The following MCCC1 variants were observed in gnomAD, a reference collection of about 807,000 sequenced individuals.
The protein encoded by MCCC1 is methylcrotonoyl-CoA carboxylase subunit alpha, mitochondrial.
MCCC1 carries 64 observed loss-of-function variants against 83.8 expected under a neutral mutation model. That is an observed-to-expected ratio of 0.76 (90% CI 0.62 to 0.94). The LOEUF is 0.94. Ranked by LOEUF, MCCC1 falls within the 40% of genes least tolerant of loss-of-function variation. The probability of loss-of-function intolerance (pLI) is 0.00; values close to 1 mark genes in which losing one functional copy is unlikely to be tolerated. For synonymous variants in MCCC1, 322 were observed against 315.4 expected (o/e 1.02, Z -0.22); for missense variants, 807 against 904.7 (o/e 0.89, Z 1.39).
chr3:183,101,716 C>T (rs372829632), upstream of MCCC1, among the ~76,000 whole-genome samples: 39 of 152,208 alleles, frequency 2.6e-4, no homozygotes, highest in African/African-American at 8.2e-4. Context: ...TCCCATTCCA[C>T]GCTGTGGAAG....
At chr3:183,092,673 T>A in intron 2 of MCCC1, 128 bp from the exon 3 acceptor site, 1 of 1,151,128 alleles carries the variant, frequency 8.7e-7, no homozygotes, top group Non-Finnish European at 1.3e-6. Context: ...AAAACTAGCA[T>A]AACTGAGCCC....
At chr3:183,115,941 G>T (rs1206986756) in exon 1 of MCCC1, 2 of 152,276 alleles carry the variant, frequency 1.3e-5, no homozygotes, top group Non-Finnish European at 2.9e-5. Context: ...AGTGGGCACA[G>T]ATTTATTGAA....
intron 1 of MCCC1, among the ~76,000 whole-genome samples, chr3:183,095,291 AAAC>A (rs1006654156): frequency 6.6e-6 from 1 of 152,146 alleles, no homozygotes; most frequent in African/African-American, 2.4e-5. Context: ...TCAAAAAAAA[AAAC>A]AAAAACAAAA....
intron 17 of MCCC1, among the ~76,000 whole-genome samples, chr3:183,019,198 T>C (rs539181103): frequency 4.6e-5 from 7 of 152,344 alleles, no homozygotes; most frequent in African/African-American, 1.7e-4. Context: ...TGAGTTTTTA[T>C]GATTTAAGTG....
At chr3:183,107,020 G>C (rs563552966) in intron 1 of MCCC1, among the ~76,000 whole-genome samples, 2 of 152,018 alleles carry the variant, frequency 1.3e-5, no homozygotes, top group African/African-American at 4.8e-5. Context: ...CTTGCCCACA[G>C]AATATTTTTG....
In MCCC1 at chr3:183,061,749, C is replaced by T. The variant is rs573427812; in HGVS notation, c.762-4327G>A. 2.6e-5 allele frequency among the ~76,000 whole-genome samples: 4 copies of T among 152,308 alleles called. No individual in the cohort carries two copies. In the South Asian group the frequency reaches 8.3e-4, roughly 32 times the overall value. On this transcript the variant is annotated intron_variant, in intron 7 of 18. Coordinates refer to ENST00000265594, the MANE Select transcript of MCCC1 (RefSeq NM_020166.5). ...AACCACTGACTTTCATTTTGTTTAG[C>T]CTTTTTCTTGCTTTTTGGATATGAC...
chr3:183,070,128 T>C (rs1716551426), intron 7 of MCCC1, among the ~76,000 whole-genome samples: 1 of 152,218 alleles, frequency 6.6e-6, no homozygotes, highest in Non-Finnish European at 1.5e-5. Flanking sequence ...GTAAAATATT[T>C]AAAATCTGGC....
At chr3:183,039,806 A>T (rs569544858) in intron 11 of MCCC1, among the ~76,000 whole-genome samples, 20 of 152,196 alleles carry the variant, frequency 1.3e-4, no homozygotes, top group African/African-American at 4.8e-4. Flanking sequence ...CCTCGTTGAT[A>T]AGATTAGAGG....
intron 4 of MCCC1, among the ~76,000 whole-genome samples, chr3:183,080,860 G>A (rs1717438289): frequency 6.6e-6 from 1 of 152,184 alleles, no homozygotes; most frequent in Non-Finnish European, 1.5e-5. Flanking sequence ...AGCTTGAGCA[G>A]GGAAACTCCT....
intron 1 of MCCC1, among the ~76,000 whole-genome samples, chr3:183,108,573 C>A (rs971106992): frequency 2.0e-5 from 3 of 152,138 alleles, no homozygotes; most frequent in Admixed American, 1.3e-4. Context: ...CTGCACTTCG[C>A]AAAGTTCTAC....
intron 1 of MCCC1, among the ~76,000 whole-genome samples, chr3:183,113,325 A>G (rs1475176831): frequency 6.7e-6 from 1 of 149,332 alleles, no homozygotes; most frequent in Non-Finnish European, 1.5e-5. Context: ...AGGACAGAAA[A>G]CCAAACACCG....
intron 4 of MCCC1, 47 bp downstream of exon 4, chr3:183,086,646 C>T (rs770303104): frequency 6.4e-7 from 1 of 1,552,930 alleles, no homozygotes; most frequent in South Asian, 1.1e-5. Flanking sequence ...GCATCAGTTG[C>T]ACAAAACGTA....
rs1366189067 is a variant in MCCC1 at position 183,086,689 on chromosome 3, T to C, written c.369+4A>G. The C allele has an allele frequency of 6.2e-7, 1 of 1,613,476 alleles. No homozygotes were observed. Among genetic ancestry groups the C allele is most frequent in the Non-Finnish European group, 8.5e-7 (1 of 1,179,570 alleles). ...TGCACTGCAAATCTCTTCACAACCC[T>C]CACCTGTGCAGCAGAGGTCTTGGCC... On this transcript the variant is annotated splice_donor_region_variant and intron_variant, in intron 4 of 18. Transcript: ENST00000265594.
At chr3:183,043,394 T>C (rs966726766) in intron 10 of MCCC1, among the ~76,000 whole-genome samples, 4 of 152,256 alleles carry the variant, frequency 2.6e-5, no homozygotes, top group African/African-American at 9.6e-5. Context: ...TCTTTGGAGA[T>C]ATGTGCCATT....
chr3:183,045,489 A>T lies in MCCC1; in HGVS notation c.1007T>A (p.Met336Lys). ...ATGTTCCACTTGCAGCCTTGTATTC[A>T]TCTCCATGAAACAGAAATTATGTTT... ...DSKHNFCFME[M>K]NTRLQVEHPV... Residue 336 changes from methionine (M) to lysine (K), a missense_variant, in exon 10 of 19, where the codon ATG becomes AAG. By Grantham distance (95) the Met-to-Lys change is moderately conservative. Coordinates refer to ENST00000265594, the MANE Select transcript of MCCC1 (RefSeq NM_020166.5). 6.2e-7 allele frequency: 1 copy of T among 1,614,116 alleles called. No homozygotes were observed. The highest frequency in any genetic ancestry group is 8.5e-7 in the Non-Finnish European group (1 of 1,179,972).
chr3:183,017,855 TGGTC>T (rs1471876729), intron 17 of MCCC1: 1,552 of 105,824 alleles, frequency 0.015, 1 homozygote, highest in Non-Finnish European at 0.015. Context: ...CCAAATGCAC[TGGTC>T]AAATCAGAGG....
intron 4 of MCCC1, among the ~76,000 whole-genome samples, chr3:183,079,248 C>T (rs935124640): frequency 6.6e-6 from 1 of 152,176 alleles, no homozygotes; most frequent in Non-Finnish European, 1.5e-5. Context: ...TCCAACATCT[C>T]GTCTGAGACA....
chr3:183,022,642 G>A (rs1577240141), intron 15 of MCCC1, 88 bp from the exon 16 acceptor site: 2 of 1,163,522 alleles, frequency 1.7e-6, no homozygotes, highest in South Asian at 1.4e-5. Flanking sequence ...ACTATTGGTA[G>A]TTTTAAAACA....
intron 7 of MCCC1, among the ~76,000 whole-genome samples, chr3:183,060,665 G>A (rs962195488): frequency 2.6e-5 from 4 of 152,108 alleles, no homozygotes; most frequent in African/African-American, 9.7e-5. Flanking sequence ...ATGTTGGTGT[G>A]CTGCACCCAT....
Sources: allele counts gnomAD v4.1 joint callset (sites outside exome capture counted in the v4.1 genomes callset), GRCh38; gene constraint gnomAD v4.1.1; transcripts MANE v1.5; gene names NCBI Gene and HGNC (gene_info 2026-07-23, HGNC 2026-07-21).